Variants in SPATA13 observed in about 807,000 individuals in gnomAD.
SPATA13 encodes the protein spermatogenesis-associated protein 13.
SPATA13 carries 50 observed loss-of-function variants against 104.0 expected under a neutral mutation model. That is an observed-to-expected ratio of 0.48 (90% CI 0.38 to 0.61). SPATA13 has a LOEUF of 0.61. Ranked by LOEUF, SPATA13 falls within the 20% of genes least tolerant of loss-of-function variation. The probability of loss-of-function intolerance (pLI) is 0.00; values close to 1 mark genes in which losing one functional copy is unlikely to be tolerated. For synonymous variants in SPATA13, 606 were observed against 667.5 expected (o/e 0.91, Z 1.42); for missense variants, 1,524 against 1,690.6 (o/e 0.90, Z 1.73).
At chr13:24,207,110 A>T (rs9553219) in intron 1 of SPATA13, among the ~76,000 whole-genome samples, 99,103 of 151,238 alleles carry the variant, frequency 0.66, 32,771 homozygotes, top group South Asian at 0.83. Flanking sequence ...AGCAAACTAA[A>T]GCAGGAATAG....
Position 24,224,225 on chromosome 13 carries a change from A to G in SPATA13, c.1296A>G (p.Pro432=). Residue 432 remains proline, a synonymous_variant, in exon 2 of 13, where the codon CCA becomes CCG. Coordinates refer to ENST00000382108, the MANE Select transcript of SPATA13 (RefSeq NM_001166271.3). ...SDSSCTCSSL[P]SPIVQDVLSK... ...GTTCCTGCACTTGCAGCTCTTTGCC[A>G]AGCCCGATTGTCCAGGATGTGTTGA... 6.4e-7 allele frequency: 1 copy of G among 1,551,734 alleles called. No homozygotes were observed. Among genetic ancestry groups the G allele is most frequent in the Non-Finnish European group, 8.7e-7 (1 of 1,147,006 alleles).
chr13:23,993,191 C>A (rs1593262754), intron 2 of SPATA13, among the ~76,000 whole-genome samples: 1 of 152,240 alleles, frequency 6.6e-6, no homozygotes, highest in Non-Finnish European at 1.5e-5. Context: ...ACTGTGGCAG[C>A]TGGGGTTCCT....
chr13:24,200,623 G>A (rs1235169596), intron 1 of SPATA13, among the ~76,000 whole-genome samples: 1 of 151,240 alleles, frequency 6.6e-6, no homozygotes, highest in Non-Finnish European at 1.5e-5. Flanking sequence ...TTTTCTTTAT[G>A]TAGCTGTTTA....
At position 24,257,599 on chromosome 13, in the gene SPATA13, T is replaced by G. The variant is rs188839092; in HGVS notation, c.2164+5737T>G. ...CTGAAGTAATTGCTCAATTTGATTT[T>G]TTAAATTTTTACTTTTTTTTTTTTT... On this transcript the variant is annotated intron_variant, in intron 4 of 12. Coordinates refer to ENST00000382108, the MANE Select transcript of SPATA13 (RefSeq NM_001166271.3). Among the ~76,000 whole-genome samples, 238 of 151,500 alleles carry G rather than the reference T, an allele frequency of 1.6e-3. 1 individual carries two copies. The highest frequency in any genetic ancestry group is 2.8e-3 in the Non-Finnish European group (188 of 67,938).
At chr13:23,982,896 G>A (rs955799026) in intron 1 of SPATA13, among the ~76,000 whole-genome samples, 7 of 152,212 alleles carry the variant, frequency 4.6e-5, no homozygotes, top group African/African-American at 1.7e-4. Flanking sequence ...TGGAGTGCTA[G>A]GTGCAAGATC....
At chr13:24,095,877 A>G (rs1039765469) in intron 3 of SPATA13, among the ~76,000 whole-genome samples, 12 of 152,224 alleles carry the variant, frequency 7.9e-5, no homozygotes, top group Non-Finnish European at 1.6e-4. Flanking sequence ...CCATACCAAT[A>G]ACAGTGCATC....
intron 3 of SPATA13, among the ~76,000 whole-genome samples, chr13:24,144,267 G>A (rs7982678): frequency 0.76 from 115,004 of 152,092 alleles, 44,925 homozygotes; most frequent in Non-Finnish European, 0.86. Flanking sequence ...CACATGCCTC[G>A]TGTACGTCAC....
At chr13:24,045,872 T>A (rs9580843) in intron 3 of SPATA13, among the ~76,000 whole-genome samples, 37,463 of 152,118 alleles carry the variant, frequency 0.25, 5,095 homozygotes, top group African/African-American at 0.36. Context: ...GATGAACTGA[T>A]TCCATTCTGA....
chr13:24,165,943 G>A (rs1415772715), intron 1 of SPATA13, among the ~76,000 whole-genome samples: 1 of 152,194 alleles, frequency 6.6e-6, no homozygotes, highest in Non-Finnish European at 1.5e-5. Context: ...TCCGGGTTGT[G>A]TGTTGTGACT....
chr13:24,217,750 C>CTGGGAG (rs150723396), intron 1 of SPATA13, among the ~76,000 whole-genome samples: 266 of 152,302 alleles, frequency 1.7e-3, no homozygotes, highest in African/African-American at 6.0e-3. Context: ...GTTGCTTGAG[C>CTGGGAG]TGGGAGTTGG....
At chr13:24,219,893 G>T (rs1441876144) in intron 1 of SPATA13, among the ~76,000 whole-genome samples, 1 of 152,238 alleles carries the variant, frequency 6.6e-6, no homozygotes, top group African/African-American at 2.4e-5. Flanking sequence ...AGAGTGATCA[G>T]TTACCCCATT....
At chr13:24,019,022 A>C (rs1876840026) in intron 3 of SPATA13, among the ~76,000 whole-genome samples, 1 of 152,030 alleles carries the variant, frequency 6.6e-6, no homozygotes, top group African/African-American at 2.4e-5. Context: ...AATTTGGTTG[A>C]TATTCAGGGA....
chr13:24,267,268 C>A (rs1236264529), intron 4 of SPATA13, among the ~76,000 whole-genome samples: 1 of 152,136 alleles, frequency 6.6e-6, no homozygotes, highest in Non-Finnish European at 1.5e-5. Flanking sequence ...GTAATGGGGC[C>A]ATATCCAAGC....
chr13:24,053,429 G>A (rs1434968128), intron 3 of SPATA13, among the ~76,000 whole-genome samples: 1 of 152,154 alleles, frequency 6.6e-6, no homozygotes, highest in African/African-American at 2.4e-5. Flanking sequence ...AATGATCTAC[G>A]AGAAGTAAGT....
intron 3 of SPATA13, among the ~76,000 whole-genome samples, chr13:24,135,217 C>CG (rs1190136811): frequency 1.3e-5 from 1 of 78,200 alleles, no homozygotes; most frequent in East Asian, 1.0e-3. Context: ...ACTCATTATT[C>CG]GAAAAAAAAA....
chr13:24,078,716 C>T (rs1879411275), intron 3 of SPATA13, among the ~76,000 whole-genome samples: 1 of 152,202 alleles, frequency 6.6e-6, no homozygotes, highest in African/African-American at 2.4e-5. Flanking sequence ...GTGCATAACT[C>T]TGCTGTCAAT....
chr13:24,044,798 G>T lies in SPATA13; in HGVS notation c.-112+27097G>T, dbSNP rs551194308. Among the ~76,000 whole-genome samples the T allele has an allele frequency of 3.3e-5, 5 of 149,380 alleles. No individual in the cohort carries two copies. The East Asian group carries it at 8.0e-4, about 24-fold the overall frequency. The stretch of plus-strand genomic sequence containing the variant: ...TAAGTGAAATAAGACAGGCACAGAA[G>T]GACAAATACTGCGTGATCCCACTCA... On this transcript the variant is annotated intron_variant, in intron 3 of 14. Coordinates refer to the SPATA13 transcript ENST00000424834.
At chr13:23,980,736 C>A (rs946300657) in intron 1 of SPATA13, among the ~76,000 whole-genome samples, 3 of 152,024 alleles carry the variant, frequency 2.0e-5, no homozygotes, top group African/African-American at 7.2e-5. Context: ...GGATTACAGG[C>A]GGCCGTCGCT....
At chr13:24,006,606 T>A (rs1290562880) in intron 2 of SPATA13, among the ~76,000 whole-genome samples, 1 of 152,198 alleles carries the variant, frequency 6.6e-6, no homozygotes, top group Non-Finnish European at 1.5e-5. Flanking sequence ...TGTGGTTGAC[T>A]GGACCCTAAC....
Sources: gnomAD v4.1 joint callset for allele counts (sites outside exome capture counted in the v4.1 genomes callset) on GRCh38, gnomAD v4.1.1 for gene constraint, MANE v1.5 for transcripts, NCBI Gene and HGNC (gene_info 2026-07-23, HGNC 2026-07-21) for gene names.